RALGAPA2: variants seen among roughly 807,000 people sequenced by gnomAD.
RALGAPA2 encodes Ral GTPase activating protein catalytic subunit alpha 2.
In RALGAPA2, 139 loss-of-function variants were observed where a neutral mutation model predicts 230.4. The observed-to-expected ratio is 0.60, with a 90% CI of 0.53 to 0.69. The LOEUF is 0.69. Ranked by LOEUF, RALGAPA2 falls within the 30% of genes least tolerant of loss-of-function variation. The pLI, the probability that RALGAPA2 is intolerant of heterozygous loss-of-function variation, is 0.00. For synonymous variants in RALGAPA2, 847 were observed against 837.8 expected (o/e 1.01, Z -0.19); for missense variants, 2,163 against 2,276.0 (o/e 0.95, Z 1.01).
chr20:20,407,322 T>A (rs767926852), intron 38 of RALGAPA2, among the ~76,000 whole-genome samples: 2 of 152,170 alleles, frequency 1.3e-5, no homozygotes, highest in Non-Finnish European at 2.9e-5. Context: ...ATGTGATGAG[T>A]CTGTCACATG....
At chr20:20,424,432 C>T (rs1007883160) in intron 37 of RALGAPA2, among the ~76,000 whole-genome samples, 2 of 152,140 alleles carry the variant, frequency 1.3e-5, no homozygotes, top group African/African-American at 2.4e-5. Context: ...GAAAAAGTGA[C>T]GAATCAATAT....
Position 20,524,880 on chromosome 20 carries a change from C to T in RALGAPA2, c.3712G>A (p.Ala1238Thr). ...TACTCTGCACTTGGTAAAAGAAAAG[C>T]AACTGTGGCCACGAGGATCTGCATA... is the stretch of plus-strand genomic sequence containing the variant. ...KMAEILVATV[A>T]FLLPSAEYSS... Residue 1238 changes from alanine to threonine, a missense_variant, in exon 29 of 40, where the codon GCT (alanine) becomes ACT (threonine). Physicochemically the swap from Ala to Thr is moderately conservative, Grantham distance 58. Transcript: ENST00000202677. The T allele has an allele frequency of 6.2e-7, 1 of 1,609,100 alleles. No homozygotes were observed. Among genetic ancestry groups the T allele is most frequent in the Non-Finnish European group, 8.5e-7 (1 of 1,177,596 alleles).
At chr20:20,677,628 CATTTTTTTTTTTTTT>C (rs1317160186) in intron 2 of RALGAPA2, among the ~76,000 whole-genome samples, 61 of 121,840 alleles carry the variant, frequency 5.0e-4, no homozygotes, top group African/African-American at 2.0e-3. Context: ...TGATTTGACC[CATTTTTTTTTTTTTT>C]TTTTTTTTTT....
intron 16 of RALGAPA2, among the ~76,000 whole-genome samples, chr20:20,592,995 G>A: frequency 6.6e-6 from 1 of 151,636 alleles, no homozygotes; most frequent in Non-Finnish European, 1.5e-5. Flanking sequence ...ACAGCTCACT[G>A]CACACTCGAC....
chr20:20,633,429 C>A (rs2146449970), intron 9 of RALGAPA2, among the ~76,000 whole-genome samples: 1 of 152,272 alleles, frequency 6.6e-6, no homozygotes, highest in African/African-American at 2.4e-5. Flanking sequence ...GCCACTGCGC[C>A]CAGCCTACTG....
chr20:20,433,142 CCTA>C (rs2060533721), intron 37 of RALGAPA2, among the ~76,000 whole-genome samples: 1 of 152,188 alleles, frequency 6.6e-6, no homozygotes, highest in African/African-American at 2.4e-5. Context: ...AATTATCAGT[CCTA>C]CTATGTGCCA....
chr20:20,582,160 CAG>C lies in RALGAPA2; in HGVS notation c.2707+888_2707+889del, dbSNP rs1491263628. Among the ~76,000 whole-genome samples the C allele has an allele frequency of 1.3e-3, 161 of 119,584 alleles. 1 individual carries two copies. The highest frequency in any genetic ancestry group is 5.0e-3 in the African/African-American group (154 of 30,780). 78.5% of individuals were successfully genotyped at this position (119,584 alleles called of 152,430 possible). On this transcript the variant is annotated intron_variant, in intron 20 of 39. Coordinates refer to ENST00000202677, the MANE Select transcript of RALGAPA2 (RefSeq NM_020343.4). ...TGAGGTTGACTTACCCAGTGTCACA[CAG>C]TGTGTGTGTGTGTGTGTGTGTGTGT...
intron 30 of RALGAPA2, among the ~76,000 whole-genome samples, chr20:20,521,487 G>C (rs2145449093): frequency 6.6e-6 from 1 of 152,230 alleles, no homozygotes; most frequent in African/African-American, 2.4e-5. Flanking sequence ...GAGACCATTA[G>C]TGCACGTCAT....
intron 12 of RALGAPA2, among the ~76,000 whole-genome samples, chr20:20,617,300 T>C (rs935832651): frequency 1.3e-5 from 2 of 152,216 alleles, no homozygotes; most frequent in Non-Finnish European, 2.9e-5. Flanking sequence ...ATTCACAGCC[T>C]TTAAAGTTAT....
chr20:20,522,264 A>C (rs1182174637), intron 30 of RALGAPA2, among the ~76,000 whole-genome samples: 2 of 152,174 alleles, frequency 1.3e-5, no homozygotes, highest in South Asian at 2.1e-4. Context: ...AAAAAAAAAA[A>C]AACCTTGAAT....
chr20:20,417,303 GA>G (rs2122821239), intron 37 of RALGAPA2, among the ~76,000 whole-genome samples: 1 of 152,322 alleles, frequency 6.6e-6, no homozygotes, highest in South Asian at 2.1e-4. Context: ...TAAAACAACA[GA>G]AATTTATTCT....
chr20:20,625,340 A>G (rs559376917), intron 10 of RALGAPA2, among the ~76,000 whole-genome samples: 1 of 152,326 alleles, frequency 6.6e-6, no homozygotes, highest in East Asian at 1.9e-4. Flanking sequence ...TTCTTCTAAC[A>G]TTAATGGTGG....
chr20:20,491,247 C>A (rs190043269), intron 36 of RALGAPA2, among the ~76,000 whole-genome samples: 2 of 152,186 alleles, frequency 1.3e-5, no homozygotes, highest in East Asian at 3.9e-4. Flanking sequence ...TCATTTTTTT[C>A]TCCATGCTCG....
intron 24 of RALGAPA2, among the ~76,000 whole-genome samples, chr20:20,543,139 G>A (rs2063693694): frequency 1.3e-5 from 2 of 152,104 alleles, no homozygotes; most frequent in Non-Finnish European, 2.9e-5. Context: ...CCGCCTCCCA[G>A]GTTCAAGCGA....
intron 1 of RALGAPA2, among the ~76,000 whole-genome samples, chr20:20,694,948 G>A (rs979959216): frequency 6.6e-6 from 1 of 152,186 alleles, no homozygotes; most frequent in Non-Finnish European, 1.5e-5. Context: ...TAATGAGTAT[G>A]TAAAATTGTA....
intron 31 of RALGAPA2, among the ~76,000 whole-genome samples, chr20:20,513,754 T>C (rs1354713373): frequency 6.6e-6 from 1 of 152,160 alleles, no homozygotes; most frequent in African/African-American, 2.4e-5. Flanking sequence ...AGGCAATTCC[T>C]AGATCTGGGA....
intron 38 of RALGAPA2, among the ~76,000 whole-genome samples, chr20:20,406,237 G>A (rs1054770807): frequency 2.6e-5 from 4 of 151,880 alleles, no homozygotes; most frequent in African/African-American, 9.7e-5. Context: ...TCTAGTGGAG[G>A]GACTCAAGCA....
intron 37 of RALGAPA2, among the ~76,000 whole-genome samples, chr20:20,441,096 C>A (rs1382129586): frequency 1.3e-5 from 2 of 152,120 alleles, no homozygotes; most frequent in Non-Finnish European, 2.9e-5. Flanking sequence ...TTAACATGCA[C>A]CAACACTTGC....
rs2146082899 is a variant in RALGAPA2, at chr20:20,589,327, C to G, written c.2380G>C (p.Glu794Gln). 6.3e-7 allele frequency: 1 copy of G among 1,592,598 alleles called. No homozygotes were observed. Among genetic ancestry groups the G allele is most frequent in the Non-Finnish European group, 8.6e-7 (1 of 1,168,004 alleles). ...TTATTCTCTTGAATAGGCTGAGGCT[C>G]TGAAGAACTCGAATTCTGTGTGTTT... is the stretch of plus-strand genomic sequence containing the variant. ...AENTQNSSSSEPQPIQENKGH... is the reference protein window; with the variant it reads ...AENTQNSSSSQPQPIQENKGH... The change falls in exon 18 of 40, where the codon GAG (glutamate) becomes CAG (glutamine). Residue 794 changes from glutamate (E) to glutamine (Q), a missense_variant. Glu to Gln is a conservative substitution (Grantham distance 29). Transcript: ENST00000202677.
Sources: gnomAD v4.1 joint callset for allele counts (sites outside exome capture counted in the v4.1 genomes callset) on GRCh38, gnomAD v4.1.1 for gene constraint, MANE v1.5 for transcripts, NCBI Gene and HGNC (gene_info 2026-07-23, HGNC 2026-07-21) for gene names.